The following CTNND2 variants were observed in gnomAD, a reference collection of about 807,000 sequenced individuals.
CTNND2 encodes the protein catenin delta 2, also known as catenin delta-2.
A neutral mutation model predicts 144.4 loss-of-function variants in CTNND2; 22 were observed. The observed-to-expected ratio is 0.15, with a 90% CI of 0.11 to 0.22. The LOEUF is 0.22. CTNND2 is among the 10% of genes least tolerant of loss of function. The pLI, the probability that CTNND2 is intolerant of heterozygous loss-of-function variation, is 1.00. For synonymous variants in CTNND2, 751 were observed against 695.6 expected (o/e 1.08, Z -1.25); for missense variants, 1,353 against 1,618.8 (o/e 0.84, Z 2.82).
chr5:11,837,360 G>C (rs1203306491), intron 1 of CTNND2, among the ~76,000 whole-genome samples: 1 of 152,222 alleles, frequency 6.6e-6, no homozygotes, highest in Non-Finnish European at 1.5e-5. Context: ...GTTCAACATG[G>C]ATGATTGTTT....
intron 3 of CTNND2, among the ~76,000 whole-genome samples, chr5:11,450,451 C>T (rs1447864558): frequency 6.6e-6 from 1 of 152,188 alleles, no homozygotes; most frequent in Non-Finnish European, 1.5e-5. Context: ...TGTCAATTAT[C>T]CATGCACCCA....
At position 11,364,788 on chromosome 5, in the gene CTNND2, C is replaced by T. The variant is rs368621937; in HGVS notation, c.1280G>A (p.Arg427His). 1.5e-5 allele frequency: 24 copies of T among 1,613,686 alleles called. No homozygotes were observed. Among genetic ancestry groups the T allele is most frequent in the African/African-American group, 5.3e-5 (4 of 74,896 alleles). Residue 427 changes from arginine (R) to histidine (H), a missense_variant, in exon 8 of 22, where the codon CGC becomes CAC. Transcript: ENST00000304623. The stretch of plus-strand genomic sequence containing the variant: ...CCTCATAGGGGGCTTCTGATAGACG[C>T]GGTCTTCATAGATGGGATCTATGTG... The part of the protein sequence containing the change: ...EHHIDPIYED[R>H]VYQKPPMRSL...
At chr5:11,322,804 T>A (rs923280829) in intron 9 of CTNND2, among the ~76,000 whole-genome samples, 4 of 152,234 alleles carry the variant, frequency 2.6e-5, no homozygotes, top group African/African-American at 4.8e-5. Flanking sequence ...TGTATTTTTT[T>A]AAATAAATAC....
intron 15 of CTNND2, among the ~76,000 whole-genome samples, chr5:11,088,642 T>A (rs1750428975): frequency 6.6e-6 from 1 of 152,136 alleles, no homozygotes; most frequent in Non-Finnish European, 1.5e-5. Flanking sequence ...GAGGGAGAAA[T>A]CTGAAATGTA....
intron 10 of CTNND2, 91 bp from the exon 11 acceptor site, chr5:11,199,752 C>A (rs989068052): frequency 1.1e-6 from 1 of 902,774 alleles, no homozygotes; most frequent in East Asian, 2.5e-5. Flanking sequence ...TATCTGCTAA[C>A]AATTAATCGC....
chr5:11,641,800 ACACG>A (rs200933586), intron 2 of CTNND2, among the ~76,000 whole-genome samples: 4 of 146,236 alleles, frequency 2.7e-5, no homozygotes, highest in South Asian at 2.2e-4. Flanking sequence ...ACGTGTACAT[ACACG>A]TGTATGTACA....
At chr5:11,179,774 G>A (rs1760825539) in intron 11 of CTNND2, among the ~76,000 whole-genome samples, 1 of 152,186 alleles carries the variant, frequency 6.6e-6, no homozygotes, top group African/African-American at 2.4e-5. Flanking sequence ...AAAAAAATAT[G>A]TAATTGGCTT....
chr5:11,187,979 C>T (rs1305941483), intron 11 of CTNND2, among the ~76,000 whole-genome samples: 4 of 152,082 alleles, frequency 2.6e-5, no homozygotes, highest in African/African-American at 7.2e-5. Flanking sequence ...TGCGGAGAAA[C>T]AGGAATGCTT....
intron 9 of CTNND2, among the ~76,000 whole-genome samples, chr5:11,245,729 C>T (rs910743210): frequency 1.9e-4 from 29 of 152,252 alleles, no homozygotes; most frequent in Admixed American, 1.3e-3. Flanking sequence ...TCTGTATTAG[C>T]AGCAGCAGGA....
intron 1 of CTNND2, among the ~76,000 whole-genome samples, chr5:11,749,478 T>C (rs1037133191): frequency 2.0e-5 from 3 of 151,982 alleles, no homozygotes; most frequent in Non-Finnish European, 2.9e-5. Flanking sequence ...CATCCCCAAA[T>C]TGTATTCTGC....
intron 9 of CTNND2, among the ~76,000 whole-genome samples, chr5:11,306,358 T>C (rs1750203493): frequency 6.6e-6 from 1 of 152,222 alleles, no homozygotes; most frequent in Non-Finnish European, 1.5e-5. Context: ...TTGCTTCACT[T>C]ATCCCTTCTT....
chr5:11,509,656 G>T (rs967066328), intron 3 of CTNND2, among the ~76,000 whole-genome samples: 3 of 152,178 alleles, frequency 2.0e-5, no homozygotes, highest in Non-Finnish European at 2.9e-5. Flanking sequence ...AATAAGAAAT[G>T]AGTATCCTTC....
At chr5:11,818,004 T>TTTTTTTTTTTTTTTTTTC (rs1554126308) in intron 1 of CTNND2, among the ~76,000 whole-genome samples, 1 of 93,256 alleles carries the variant, frequency 1.1e-5, no homozygotes. Flanking sequence ...TTTTTTTTTT[T>TTTTTTTTTTTTTTTTTTC]CAGTTCTCCT....
chr5:11,574,577 C>G (rs1006224132), intron 2 of CTNND2, among the ~76,000 whole-genome samples: 13 of 152,054 alleles, frequency 8.5e-5, no homozygotes, highest in Non-Finnish European at 1.8e-4. Flanking sequence ...TTTAGTTTTC[C>G]TCGCCTGCCT....
Position 11,003,543 on chromosome 5 carries a change from G to T in CTNND2, c.3085-10866C>A, listed in dbSNP as rs113270590. ...CACATACACTTCCTTCTTATTTCAAGAAAAGGTATTAAATACAATAAACTG... is the reference window on the plus strand; with the variant it reads ...CACATACACTTCCTTCTTATTTCAATAAAAGGTATTAAATACAATAAACTG... On this transcript the variant is annotated intron_variant, in intron 18 of 21. Transcript: ENST00000304623. Among the ~76,000 whole-genome samples, 619 of 152,208 alleles carry T rather than the reference G, an allele frequency of 4.1e-3. 5 individuals carry two copies. Among genetic ancestry groups the T allele is most frequent in the African/African-American group, 0.012 (513 of 41,528 alleles).
chr5:11,501,542 G>A (rs1031202477), intron 3 of CTNND2, among the ~76,000 whole-genome samples: 1 of 152,188 alleles, frequency 6.6e-6, no homozygotes, highest in African/African-American at 2.4e-5. Flanking sequence ...CAGTGTTAGT[G>A]CAATCCAATT....
intron 1 of CTNND2, among the ~76,000 whole-genome samples, chr5:11,772,297 T>C (rs1789994494): frequency 6.6e-6 from 1 of 152,204 alleles, no homozygotes; most frequent in Non-Finnish European, 1.5e-5. Context: ...TCGCATTAGA[T>C]CACAATTGCA....
intron 9 of CTNND2, among the ~76,000 whole-genome samples, chr5:11,294,887 C>T (rs1748740786): frequency 6.6e-6 from 1 of 152,116 alleles, no homozygotes; most frequent in Non-Finnish European, 1.5e-5. Context: ...ACTGAATGGG[C>T]AAAAACTGGA....
chr5:11,635,663 T>C (rs1242786637), intron 2 of CTNND2, among the ~76,000 whole-genome samples: 1 of 152,186 alleles, frequency 6.6e-6, no homozygotes, highest in East Asian at 1.9e-4. Context: ...CCTCTGCCCT[T>C]CTATTTCTGT....
Sources: gnomAD v4.1 joint callset for allele counts (sites outside exome capture counted in the v4.1 genomes callset) on GRCh38, gnomAD v4.1.1 for gene constraint, MANE v1.5 for transcripts, NCBI Gene and HGNC (gene_info 2026-07-23, HGNC 2026-07-21) for gene names.